Variants in ZNF618 observed in about 807,000 individuals in gnomAD.
ZNF618 encodes the protein neural precursor cell expressed, developmentally down-regulated 10.
Under a neutral mutation model 103.0 loss-of-function variants are expected in ZNF618, and 34 were observed. The ratio of observed to expected loss-of-function variants is 0.33; its 90% confidence interval spans 0.25 to 0.44. The LOEUF (loss-of-function observed/expected upper bound fraction) is 0.44, where lower values mean the gene tolerates loss of function less well. ZNF618 is among the 20% of genes least tolerant of loss of function. ZNF618 has a pLI of 1.00. For synonymous variants in ZNF618, 551 were observed against 542.2 expected, an observed-to-expected ratio of 1.02 and a Z score of -0.23; for missense variants, 1,059 against 1,295.4, an observed-to-expected ratio of 0.82 and a Z score of 2.80.
intron 1 of ZNF618, among the ~76,000 whole-genome samples, chr9:113,926,884 G>C (rs566673839): frequency 4.6e-5 from 7 of 152,278 alleles, no homozygotes; most frequent in African/African-American, 1.7e-4. Flanking sequence ...ATGGTGGCAT[G>C]TGCCTATAGT....
At chr9:114,024,515 A>G (rs188593497) in intron 10 of ZNF618, among the ~76,000 whole-genome samples, 26 of 152,378 alleles carry the variant, frequency 1.7e-4, no homozygotes, top group Non-Finnish European at 3.1e-4. Context: ...AATCAACTCA[A>G]TACTTCAAAA....
intron 10 of ZNF618, among the ~76,000 whole-genome samples, chr9:114,027,169 A>T (rs1031976132): frequency 1.3e-5 from 2 of 152,192 alleles, no homozygotes; most frequent in Admixed American, 1.3e-4. Flanking sequence ...GGGGCCTCTG[A>T]GGCCCTCGGC....
At chr9:114,013,407 T>A (rs1021978049) in intron 9 of ZNF618, among the ~76,000 whole-genome samples, 3 of 152,214 alleles carry the variant, frequency 2.0e-5, no homozygotes, top group Non-Finnish European at 4.4e-5. Flanking sequence ...TTCTAAAATA[T>A]TAAAAATGAG....
intron 3 of ZNF618, among the ~76,000 whole-genome samples, chr9:113,993,176 G>A (rs1032419531): frequency 2.0e-5 from 3 of 152,118 alleles, no homozygotes; most frequent in African/African-American, 2.4e-5. Context: ...AGGTTTCAGG[G>A]GCTCCTCTAG....
At chr9:114,048,521 AC>A (rs1845858197) in intron 14 of ZNF618, 129 bp from the exon 15 acceptor site, 1 of 960,706 alleles carries the variant, frequency 1.0e-6, no homozygotes, top group African/African-American at 1.6e-5. Flanking sequence ...AGCCAGCACC[AC>A]CCATGTGTGT....
intron 13 of ZNF618, among the ~76,000 whole-genome samples, chr9:114,046,709 C>A (rs1845688923): frequency 6.6e-6 from 1 of 152,152 alleles, no homozygotes; most frequent in East Asian, 1.9e-4. Flanking sequence ...TGGAAAACTT[C>A]CCTTCGATTC....
intron 9 of ZNF618, chr9:114,016,100 A>T: frequency 6.3e-7 from 1 of 1,596,674 alleles, no homozygotes; most frequent in African/African-American, 1.3e-5. Context: ...AGTATTTTAT[A>T]ATTTTCCCCC....
intron 9 of ZNF618, among the ~76,000 whole-genome samples, chr9:114,015,186 A>G (rs10982032): frequency 0.31 from 47,652 of 151,988 alleles, 8,570 homozygotes; most frequent in East Asian, 0.65. Context: ...ATTCTATAGC[A>G]GGAGAGAAAA....
rs146752160 is a variant in ZNF618, at chr9:113,991,773, A to G, written c.337+3193A>G. Among the ~76,000 whole-genome samples the G allele has an allele frequency of 7.7e-3, 1,171 of 152,292 alleles. 21 individuals carry two copies. Among genetic ancestry groups the G allele is most frequent in the African/African-American group, 0.027 (1,108 of 41,546 alleles). On this transcript the variant is annotated intron_variant, in intron 3 of 14. Transcript: ENST00000374126. ...CTGTCTGGACCTTGGTGTTCCTTCT[A>G]GTACTGCTTCCCTCCAATTCAGGGA...
At chr9:113,920,111 T>C (rs1832505423) in intron 1 of ZNF618, among the ~76,000 whole-genome samples, 1 of 152,184 alleles carries the variant, frequency 6.6e-6, no homozygotes, top group Admixed American at 6.5e-5. Flanking sequence ...TTGGAAGAGA[T>C]CCCAGGTATC....
At chr9:114,012,896 C>A (rs1047429433) in intron 9 of ZNF618, among the ~76,000 whole-genome samples, 1 of 151,736 alleles carries the variant, frequency 6.6e-6, no homozygotes, top group Non-Finnish European at 1.5e-5. Flanking sequence ...CCTGTATATG[C>A]AGATTTAATA....
intron 1 of ZNF618, among the ~76,000 whole-genome samples, chr9:113,898,710 A>C (rs1173465614): frequency 6.6e-6 from 1 of 152,150 alleles, no homozygotes; most frequent in East Asian, 1.9e-4. Context: ...TGCTTCCTCA[A>C]ACCTTGAGTG....
At chr9:114,004,716 A>G (rs1841581673) in intron 6 of ZNF618, among the ~76,000 whole-genome samples, 1 of 152,160 alleles carries the variant, frequency 6.6e-6, no homozygotes, top group Admixed American at 6.5e-5. Flanking sequence ...CCTGGCCTCC[A>G]CTTACAGAAG....
At chr9:113,998,190 C>T (rs1240608560) in intron 3 of ZNF618, 69 bp from the exon 4 acceptor site, 29 of 1,414,646 alleles carry the variant, frequency 2.0e-5, no homozygotes, top group African/African-American at 7.1e-5. Flanking sequence ...CAGCCAACTT[C>T]GCCCCTTCCC....
intron 9 of ZNF618, among the ~76,000 whole-genome samples, chr9:114,012,022 T>TAAAA (rs372244026): frequency 7.2e-6 from 1 of 138,226 alleles, no homozygotes; most frequent in African/African-American, 2.7e-5. Context: ...CTTGAATAGT[T>TAAAA]AAAAAAAAAA....
At chr9:113,906,306 A>G (rs1830984350) in intron 1 of ZNF618, among the ~76,000 whole-genome samples, 1 of 152,176 alleles carries the variant, frequency 6.6e-6, no homozygotes, top group African/African-American at 2.4e-5. Flanking sequence ...TTTGAGCTCC[A>G]TAAAGTGCTG....
At chr9:113,882,499 A>G (rs1828620094) in intron 1 of ZNF618, among the ~76,000 whole-genome samples, 1 of 152,166 alleles carries the variant, frequency 6.6e-6, no homozygotes, top group Non-Finnish European at 1.5e-5. Flanking sequence ...ATTTGGGGAG[A>G]TTAAGTCCCA....
intron 1 of ZNF618, among the ~76,000 whole-genome samples, chr9:113,880,122 G>A (rs189679373): frequency 1.3e-5 from 2 of 152,034 alleles, no homozygotes; most frequent in Admixed American, 6.5e-5. Flanking sequence ...GAATCCTTAC[G>A]TCTTCTCCTT....
At chr9:113,996,628 G>C (rs941132036) in intron 3 of ZNF618, among the ~76,000 whole-genome samples, 4 of 152,322 alleles carry the variant, frequency 2.6e-5, no homozygotes, top group East Asian at 3.9e-4. Context: ...ACTCGGATTA[G>C]TTGGGATGGC....
Sources: gnomAD v4.1 joint callset for allele counts (sites outside exome capture counted in the v4.1 genomes callset) on GRCh38, gnomAD v4.1.1 for gene constraint, MANE v1.5 for transcripts, NCBI Gene and HGNC (gene_info 2026-07-23, HGNC 2026-07-21) for gene names.